Variants in CACNA1S observed in about 807,000 individuals in gnomAD.
CACNA1S encodes voltage-dependent L-type calcium channel subunit alpha-1S.
A neutral mutation model predicts 207.4 loss-of-function variants in CACNA1S; 126 were observed. That is an observed-to-expected ratio of 0.61 (90% CI 0.53 to 0.70). The LOEUF is 0.70. CACNA1S is among the 30% of genes least tolerant of loss of function. The probability of loss-of-function intolerance (pLI) is 0.00; values close to 1 mark genes in which losing one functional copy is unlikely to be tolerated. For synonymous variants in CACNA1S, 960 were observed against 932.7 expected (o/e 1.03, Z -0.53); for missense variants, 2,349 against 2,422.8 (o/e 0.97, Z 0.64).
intron 42 of CACNA1S, 33 bp from the exon 43 acceptor site, chr1:201,040,407 CAG>C: frequency 1.9e-6 from 3 of 1,609,976 alleles, no homozygotes; most frequent in Non-Finnish European, 2.5e-6. Flanking sequence ...AAGACCCCGA[CAG>C]GGGTGCTGGA....
intron 2 of CACNA1S, among the ~76,000 whole-genome samples, chr1:201,096,888 G>T (rs530241675): frequency 3.9e-5 from 6 of 152,304 alleles, no homozygotes; most frequent in African/African-American, 1.4e-4. Context: ...TCACAGAGCT[G>T]TTGTTTGATG....
intron 2 of CACNA1S, among the ~76,000 whole-genome samples, chr1:201,106,813 C>T (rs574976900): frequency 3.3e-5 from 5 of 152,336 alleles, no homozygotes; most frequent in South Asian, 2.1e-4. Flanking sequence ...AGTGGACATC[C>T]GGCACCCAAG....
intron 10 of CACNA1S, among the ~76,000 whole-genome samples, chr1:201,078,946 C>G (rs1476413871): frequency 6.6e-6 from 1 of 151,834 alleles, no homozygotes; most frequent in East Asian, 1.9e-4. Flanking sequence ...CATGGTAAAA[C>G]CCCCTCTCTA....
chr1:201,071,334 T>G (rs192616082), intron 16 of CACNA1S, among the ~76,000 whole-genome samples: 2 of 152,280 alleles, frequency 1.3e-5, no homozygotes, highest in African/African-American at 4.8e-5. Flanking sequence ...GCTAGAACTC[T>G]TATTCCTTGG....
At position 201,094,895 on chromosome 1, in the gene CACNA1S, T is replaced by C. The variant is rs1282003652; in HGVS notation, c.259-874A>G. 2.7e-5 allele frequency among the ~76,000 whole-genome samples: 4 copies of C among 149,964 alleles called. No homozygotes were observed. In the East Asian group the frequency reaches 7.7e-4, roughly 29 times the overall value. ...TACCCTATCCTTGGCCCCATCACCT[T>C]TCCCCCTCTTCTGGGCCCAGGTGAG... is the stretch of plus-strand genomic sequence containing the variant. On this transcript the variant is annotated intron_variant, in intron 2 of 43. Coordinates refer to ENST00000362061, the MANE Select transcript of CACNA1S (RefSeq NM_000069.3).
At chr1:201,088,098 C>A (rs1223444652) in intron 6 of CACNA1S, among the ~76,000 whole-genome samples, 169 bp from the exon 7 acceptor site, 1 of 152,126 alleles carries the variant, frequency 6.6e-6, no homozygotes, top group Admixed American at 6.5e-5. Flanking sequence ...ACTTTTCCAG[C>A]CTGAGGACTA....
chr1:201,091,122 A>G (rs1662212055), intron 5 of CACNA1S, among the ~76,000 whole-genome samples: 1 of 152,162 alleles, frequency 6.6e-6, no homozygotes, highest in Non-Finnish European at 1.5e-5. Flanking sequence ...CTGAGGCCAA[A>G]AAGTTTGAGA....
Position 201,053,411 on chromosome 1 carries a change from C to T in CACNA1S, c.3795+48G>A, listed in dbSNP as rs1660726250. 2.5e-6 allele frequency: 4 copies of T among 1,613,872 alleles called. No homozygotes were observed. Among genetic ancestry groups the T allele is most frequent in the Non-Finnish European group, 3.4e-6 (4 of 1,179,930 alleles). On this transcript the variant is annotated intron_variant, in intron 30 of 43. Transcript: ENST00000362061. This position sits in a 1 kb window ranked among gnomAD's most constrained non-coding sequence, Gnocchi z 5.1. ...CCCACCCTGGGCTGAGGCAGATGTC[C>T]CTAGTGGCCTCCCCAGGTACGTGCA...
intron 2 of CACNA1S, 49 bp downstream of exon 2, chr1:201,110,115 G>C (rs769439296): frequency 7.7e-6 from 12 of 1,552,568 alleles, no homozygotes; most frequent in Non-Finnish European, 1.1e-5. Flanking sequence ...GCCTCCCCAA[G>C]CCTGGGGCTG....
In CACNA1S at chr1:201,041,781, C is replaced by T. The variant is rs1660233727; in HGVS notation, c.5049-192G>A. The T allele has an allele frequency of 4.6e-6, 3 of 657,018 alleles. No individual in the cohort carries two copies. The Admixed American group carries it at 6.6e-5, about 14-fold the overall frequency. 40.7% of individuals were successfully genotyped at this position (657,018 alleles called of 1,614,324 possible). A position where few individuals can be genotyped will look rare whatever the true frequency, so the allele number is the denominator to read the frequency against. On this transcript the variant is annotated intron_variant, in intron 40 of 43. Transcript: ENST00000362061. ...CCCTGACTCTCTAGGAGGAAGGAGT[C>T]CAGAGCATTCCTGACTCCACTCCTT...
chr1:201,084,639 C>T (rs1320565151), intron 9 of CACNA1S, among the ~76,000 whole-genome samples: 3 of 152,138 alleles, frequency 2.0e-5, no homozygotes, highest in Non-Finnish European at 4.4e-5. Flanking sequence ...AATGACCTCA[C>T]CCAGCTCTGC....
In CACNA1S at chr1:201,060,713, A is replaced by G; in HGVS notation, c.3359T>C (p.Phe1120Ser). Reference sequence around the variant, plus strand: ...GATGAGGGCAAACATCAGGTATTCAAAGTAGGAGGAGGTGACAATGTACCA... The same window carrying G: ...GATGAGGGCAAACATCAGGTATTCAGAGTAGGAGGAGGTGACAATGTACCA... The part of the protein sequence containing the change: ...QVWYIVTSSY[F>S]EYLMFALIML... The change falls in exon 26 of 44, where the codon TTT becomes TCT. Residue 1120 changes from phenylalanine (F) to serine (S), a missense_variant. Physicochemically the swap from Phe to Ser is radical, Grantham distance 155. Coordinates refer to ENST00000362061, the MANE Select transcript of CACNA1S (RefSeq NM_000069.3). 1.9e-6 allele frequency: 3 copies of G among 1,614,180 alleles called. No homozygotes were observed. Among genetic ancestry groups the G allele is most frequent in the Non-Finnish European group, 2.5e-6 (3 of 1,180,024 alleles).
Position 201,091,960 on chromosome 1 carries a change from A to T in CACNA1S, c.541+12T>A. ...AGAGGAGAAAGGGGTCTGCAGGGAC[A>T]CTGCCACCCACTAGGCACCCCCGAC... On this transcript the variant is annotated intron_variant, in intron 4 of 43. Coordinates refer to ENST00000362061, the MANE Select transcript of CACNA1S (RefSeq NM_000069.3). The T allele has an allele frequency of 1.9e-6, 3 of 1,613,982 alleles. No homozygotes were observed. The highest frequency in any genetic ancestry group is 2.5e-6 in the Non-Finnish European group (3 of 1,179,950).
In CACNA1S at chr1:201,078,120, C is replaced by T; in HGVS notation, c.1394-16G>A. 6.3e-7 allele frequency: 1 copy of T among 1,587,970 alleles called. No individual in the cohort carries two copies. Among genetic ancestry groups the T allele is most frequent in the Non-Finnish European group, 8.6e-7 (1 of 1,156,200 alleles). ...TTGGCAATGTCTGTAGGGTTGGTGG[C>T]ACAGCCCCGGCATCACTCTCCTTCC... On this transcript the variant is annotated splice_polypyrimidine_tract_variant and intron_variant, in intron 10 of 43. Coordinates refer to ENST00000362061, the MANE Select transcript of CACNA1S (RefSeq NM_000069.3).
chr1:201,066,392 A>G lies in CACNA1S; in HGVS notation c.2658-76T>C, dbSNP rs1301985995. Reference sequence around the variant, plus strand: ...CCAGTCTGCGGTGGAGCCTCCAGCCATATCCTGCCCTCCACACCAGCTGCC... The same window carrying G: ...CCAGTCTGCGGTGGAGCCTCCAGCCGTATCCTGCCCTCCACACCAGCTGCC... On this transcript the variant is annotated intron_variant, in intron 20 of 43. Transcript: ENST00000362061. This position sits in a 1 kb window ranked among gnomAD's most constrained non-coding sequence, Gnocchi z 4.3. 8.0e-7 allele frequency: 1 copy of G among 1,250,576 alleles called. No homozygotes were observed. The highest frequency in any genetic ancestry group is 1.2e-6 in the Non-Finnish European group (1 of 860,346). 77.5% of individuals were successfully genotyped at this position (1,250,576 alleles called of 1,614,324 possible).
chr1:201,069,966 T>C (rs1661392695), intron 17 of CACNA1S, among the ~76,000 whole-genome samples: 1 of 152,026 alleles, frequency 6.6e-6, no homozygotes, highest in South Asian at 2.1e-4. Flanking sequence ...TTTAAAGGTG[T>C]AAAATTATGA....
Position 201,061,957 on chromosome 1 carries a change from C to A in CACNA1S, c.3040G>T (p.Glu1014Ter), listed in dbSNP as rs776712220. ...GCCATCACTCACTGAGGCCATCCCT[C>A]GAAGGTGGAGACCGTGAAGAGGGAC... ...MMSLFTVSTF[E>*]GWPQLLYKAI... Residue 1014 changes from glutamate (E) to a stop codon, truncating the protein, a stop_gained, in exon 24 of 44, where the codon GAG becomes TAG. Transcript: ENST00000362061. LOFTEE classifies it high-confidence loss of function. The A allele has an allele frequency of 6.2e-7, 1 of 1,614,210 alleles. No individual in the cohort carries two copies. Among genetic ancestry groups the A allele is most frequent in the Admixed American group, 1.7e-5 (1 of 60,030 alleles).
chr1:201,083,776 T>C (rs57511066), intron 9 of CACNA1S, among the ~76,000 whole-genome samples: 15,087 of 152,232 alleles, frequency 0.099, 917 homozygotes, highest in East Asian at 0.19. Context: ...ATATGCTCTG[T>C]TTATTAATGT....
chr1:201,094,317 G>A (rs1055103099), intron 2 of CACNA1S, among the ~76,000 whole-genome samples: 2 of 151,940 alleles, frequency 1.3e-5, no homozygotes, highest in African/African-American at 4.8e-5. Context: ...GCTTAATTTG[G>A]TCTTCTTAGC....
Sources: allele counts gnomAD v4.1 joint callset (sites outside exome capture counted in the v4.1 genomes callset), GRCh38; gene constraint gnomAD v4.1.1; non-coding constraint Gnocchi (gnomAD v3.1); transcripts MANE v1.5; gene names NCBI Gene and HGNC (gene_info 2026-07-23, HGNC 2026-07-21).